The following TMEM220 variants were observed in gnomAD, a reference collection of about 807,000 sequenced individuals.
TMEM220 encodes transmembrane protein 220.
Under a neutral mutation model 21.7 loss-of-function variants are expected in TMEM220, and 21 were observed. The observed-to-expected ratio is 0.97, with a 90% CI of 0.69 to 1.39. TMEM220 has a LOEUF of 1.39. TMEM220 is among the 40% of genes most tolerant of loss of function. TMEM220 has a pLI of 0.00. For synonymous variants in TMEM220, 80 were observed against 73.6 expected (o/e 1.09, Z -0.45); for missense variants, 191 against 201.9 (o/e 0.95, Z 0.33).
Position 10,713,657 on chromosome 17 carries a change from T to C in TMEM220, c.*1796A>G, listed in dbSNP as rs954844813. The C allele has an allele frequency of 1.3e-5, 2 of 152,202 alleles. No individual in the cohort carries two copies. The highest frequency in any genetic ancestry group is 6.5e-5 in the Admixed American group (1 of 15,282). The allele number at this position is 152,202 out of a possible 1,614,324, so 9.4% of individuals were successfully genotyped here. ...TACACTGGAAAACTCAAATCCTTTA[T>C]GTGTATTTTACTGACCCTTAAGTTT... On this transcript the variant is annotated 3_prime_UTR_variant, in exon 6 of 6. Transcript: ENST00000341871.
intron 5 of TMEM220, among the ~76,000 whole-genome samples, chr17:10,723,044 A>G (rs945559020): frequency 6.7e-6 from 1 of 148,808 alleles, no homozygotes; most frequent in African/African-American, 2.5e-5. Flanking sequence ...GCAGTGGCAC[A>G]GTCTTGGCTC....
intron 5 of TMEM220, among the ~76,000 whole-genome samples, chr17:10,719,589 A>G (rs1444426598): frequency 6.6e-6 from 1 of 152,174 alleles, no homozygotes; most frequent in East Asian, 1.9e-4. Flanking sequence ...TTCTAAACAG[A>G]TCAAATATTT....
chr17:10,729,112 C>A, intron 1 of TMEM220, 52 bp from the exon 2 acceptor site: 1 of 1,605,462 alleles, frequency 6.2e-7, no homozygotes, highest in Non-Finnish European at 8.5e-7. Context: ...CTGTTCCATT[C>A]CTTTTAAATT....
At chr17:10,721,638 A>AAG (rs1567586253) in intron 5 of TMEM220, among the ~76,000 whole-genome samples, 1 of 137,620 alleles carries the variant, frequency 7.3e-6, no homozygotes, top group African/African-American at 3.3e-5. Flanking sequence ...GAAAAAAAAG[A>AAG]AAAAAAAAAT....
In TMEM220 at chr17:10,729,969, G is replaced by C. The variant is rs1300699957; in HGVS notation, c.-118C>G. 8.2e-7 allele frequency: 1 copy of C among 1,226,398 alleles called. No individual in the cohort carries two copies. Among genetic ancestry groups the C allele is most frequent in the Non-Finnish European group, 1.0e-6 (1 of 985,256 alleles). The allele number at this position is 1,226,398 out of a possible 1,614,324, so 76.0% of individuals were successfully genotyped here. A position where few individuals can be genotyped will look rare whatever the true frequency, so the allele number is the denominator to read the frequency against. On this transcript the variant is annotated 5_prime_UTR_variant, in exon 1 of 6. Transcript: ENST00000341871. Reference sequence around the variant, plus strand: ...GGACCGAGACCCCCGCCTCGGTTTCGGTGCCTTGGGGACACTGCCGTGGCC... The same window carrying C: ...GGACCGAGACCCCCGCCTCGGTTTCCGTGCCTTGGGGACACTGCCGTGGCC...
intron 1 of TMEM220, 117 bp from the exon 2 acceptor site, chr17:10,729,177 C>T: frequency 1.7e-6 from 2 of 1,181,488 alleles, no homozygotes; most frequent in Non-Finnish European, 2.5e-6. Flanking sequence ...CAATAGGCAT[C>T]GAGGGTACAA....
In TMEM220 at chr17:10,715,606, T is replaced by C. The variant is rs771923349; in HGVS notation, c.348-18A>G. The C allele has an allele frequency of 1.0e-5, 16 of 1,544,606 alleles. No homozygotes were observed. In the Admixed American group the frequency reaches 3.3e-4, roughly 32 times the overall value. On this transcript the variant is annotated intron_variant, in intron 5 of 5. Coordinates refer to ENST00000341871, the MANE Select transcript of TMEM220 (RefSeq NM_001004313.3). ...CTGGATTCCTATAAAGACACAAAAA[T>C]TATTATAAATAAAAATCATGGATTG...
rs1003533698 is a variant in TMEM220, at chr17:10,714,451, T to C, written c.*1002A>G. ...TCCATTTATAAAGAATGTATATAGA[T>C]TTTGACCTTATTTCTCATTTAGAAT... is the stretch of plus-strand genomic sequence containing the variant. On this transcript the variant is annotated 3_prime_UTR_variant, in exon 6 of 6. Coordinates refer to ENST00000341871, the MANE Select transcript of TMEM220 (RefSeq NM_001004313.3). 1.3e-5 allele frequency: 2 copies of C among 152,134 alleles called. No individual in the cohort carries two copies. The highest frequency in any genetic ancestry group is 6.6e-5 in the Admixed American group (1 of 15,258). 9.4% of individuals were successfully genotyped at this position (152,134 alleles called of 1,614,324 possible).
At chr17:10,725,163 C>T (rs778219527) in intron 3 of TMEM220, 29 bp from the exon 4 acceptor site, 1 of 1,611,308 alleles carries the variant, frequency 6.2e-7, no homozygotes, top group South Asian at 1.1e-5. Context: ...ATGTTGTTAA[C>T]CACGGAATCA....
chr17:10,716,361 A>C (rs1419973090), intron 5 of TMEM220: 4 of 643,166 alleles, frequency 6.2e-6, no homozygotes, highest in Non-Finnish European at 1.2e-5. Flanking sequence ...TTTTATGTAC[A>C]TAAGCCTCTT....
chr17:10,717,017 A>C (rs1385736305), intron 5 of TMEM220, among the ~76,000 whole-genome samples: 3 of 151,958 alleles, frequency 2.0e-5, no homozygotes, highest in African/African-American at 7.3e-5. Flanking sequence ...AAAGCAGTTA[A>C]CTCTTGTATC....
intron 1 of TMEM220, 39 bp from the exon 2 acceptor site, chr17:10,729,099 G>A (rs2075088884): frequency 6.2e-7 from 1 of 1,612,406 alleles, no homozygotes; most frequent in East Asian, 2.2e-5. Flanking sequence ...CAGACATCCT[G>A]TGCTGTTCCA....
At chr17:10,712,170 C>T (rs187447768), downstream of TMEM220, among the ~76,000 whole-genome samples, 1 of 152,354 alleles carries the variant, frequency 6.6e-6, no homozygotes, top group East Asian at 1.9e-4. Flanking sequence ...TTTCCAGCCT[C>T]CAGAGCTGTA....
rs1483113516 is a variant in TMEM220, at chr17:10,729,076, A to G, written c.73-16T>C. 1 of 1,614,130 alleles carries G rather than the reference A, an allele frequency of 6.2e-7. No homozygotes were observed. Among genetic ancestry groups the G allele is most frequent in the East Asian group, 2.2e-5 (1 of 44,890 alleles). On this transcript the variant is annotated splice_polypyrimidine_tract_variant and intron_variant, in intron 1 of 5. Transcript: ENST00000341871. ...GGTCATTTACCTGGAACGCCAGAAT[A>G]CCAAGGTGTTAGCAGACATCCTGTG...
intron 5 of TMEM220, among the ~76,000 whole-genome samples, chr17:10,721,650 GT>G (rs1367492835): frequency 6.8e-6 from 1 of 146,450 alleles, no homozygotes; most frequent in African/African-American, 2.5e-5. Flanking sequence ...AAAAAAAATA[GT>G]TTGGCAGTGT....
chr17:10,713,099 C>T (rs440494), downstream of TMEM220, among the ~76,000 whole-genome samples: 75,512 of 151,438 alleles, frequency 0.5, 19,602 homozygotes, highest in African/African-American at 0.65. Context: ...GGTGAAACCC[C>T]GTCTCTACTA....
Position 10,715,370 on chromosome 17 carries a change from A to G in TMEM220, c.*83T>C. The G allele has an allele frequency of 7.3e-7, 1 of 1,366,138 alleles. No individual in the cohort carries two copies. The highest frequency in any genetic ancestry group is 1.0e-6 in the Non-Finnish European group (1 of 1,001,740). The allele number at this position is 1,366,138 out of a possible 1,614,324, so 84.6% of individuals were successfully genotyped here. Reference sequence around the variant, plus strand: ...AAAACTATTAGCCCAAATTACCTGAAATAAACTCCTGGCTTGTTCCCCTAA... The same window carrying G: ...AAAACTATTAGCCCAAATTACCTGAGATAAACTCCTGGCTTGTTCCCCTAA... On this transcript the variant is annotated 3_prime_UTR_variant, in exon 6 of 6. Transcript: ENST00000341871.
At position 10,715,267 on chromosome 17, in the gene TMEM220, A is replaced by G. The variant is rs865814430; in HGVS notation, c.*186T>C. On this transcript the variant is annotated 3_prime_UTR_variant, in exon 6 of 6. Transcript: ENST00000341871. ...GACCCTGCAGAAAGTCGTCTGGAAA[A>G]TATCAGACCATCTCTTACTTGTCCC... 7 of 494,904 alleles carry G rather than the reference A, an allele frequency of 1.4e-5. No homozygotes were observed. The highest frequency in any genetic ancestry group is 3.2e-5 in the South Asian group (1 of 31,328). 30.7% of individuals were successfully genotyped at this position (494,904 alleles called of 1,614,324 possible). A position where few individuals can be genotyped will look rare whatever the true frequency, so the allele number is the denominator to read the frequency against.
At chr17:10,711,651 T>C (rs905211956), downstream of TMEM220, among the ~76,000 whole-genome samples, 1 of 152,182 alleles carries the variant, frequency 6.6e-6, no homozygotes, top group Admixed American at 6.5e-5. Context: ...GGCACTCCCA[T>C]CCCTGTAAGA....
Sources: gnomAD v4.1 joint callset for allele counts (sites outside exome capture counted in the v4.1 genomes callset) on GRCh38, gnomAD v4.1.1 for gene constraint, MANE v1.5 for transcripts, NCBI Gene and HGNC (gene_info 2026-07-23, HGNC 2026-07-21) for gene names.